The following GRID2 variants were observed in gnomAD, a reference collection of about 807,000 sequenced individuals.
GRID2 encodes the protein glutamate ionotropic receptor delta type subunit 2, also known as glutamate receptor ionotropic, delta-2.
GRID2 carries 33 observed loss-of-function variants against 114.8 expected under a neutral mutation model. The observed-to-expected ratio is 0.29, with a 90% CI of 0.22 to 0.38. The LOEUF (loss-of-function observed/expected upper bound fraction) is 0.38. GRID2 is among the 10% of genes least tolerant of loss of function. The pLI is 1.00. For synonymous variants in GRID2, 505 were observed against 449.9 expected, an observed-to-expected ratio of 1.12 and a Z score of -1.55; for missense variants, 1,184 against 1,257.7, an observed-to-expected ratio of 0.94 and a Z score of 0.89.
intron 14 of GRID2, among the ~76,000 whole-genome samples, chr4:93,688,603 T>C (rs924465525): frequency 4.6e-5 from 7 of 152,022 alleles, no homozygotes; most frequent in African/African-American, 1.7e-4. Flanking sequence ...TTTGTAAATA[T>C]ACCTCTACAT....
At chr4:93,099,565 G>C (rs544622434) in intron 3 of GRID2, among the ~76,000 whole-genome samples, 1 of 151,346 alleles carries the variant, frequency 6.6e-6, no homozygotes, top group Admixed American at 6.6e-5. Flanking sequence ...CAGTATGCTG[G>C]GTAGATATGT....
At chr4:93,287,919 T>C (rs1433177657) in intron 8 of GRID2, among the ~76,000 whole-genome samples, 1 of 152,220 alleles carries the variant, frequency 6.6e-6, no homozygotes. Flanking sequence ...GAGTAAACAG[T>C]TGAAAGGATG....
At chr4:92,617,495 A>G (rs1055475334) in intron 2 of GRID2, among the ~76,000 whole-genome samples, 1 of 151,586 alleles carries the variant, frequency 6.6e-6, no homozygotes, top group Non-Finnish European at 1.5e-5. Flanking sequence ...TTCTTGGCTT[A>G]TTTCACTTAA....
intron 1 of GRID2, among the ~76,000 whole-genome samples, chr4:92,492,576 A>G (rs543086078): frequency 2.6e-5 from 4 of 152,252 alleles, no homozygotes; most frequent in African/African-American, 9.6e-5. Context: ...TTTTATATCT[A>G]CAAAGCCTTT....
intron 1 of GRID2, among the ~76,000 whole-genome samples, chr4:92,576,525 T>A (rs984373570): frequency 6.6e-6 from 1 of 152,066 alleles, no homozygotes; most frequent in Non-Finnish European, 1.5e-5. Context: ...CCTAGGGACA[T>A]CTCCTAGGAA....
intron 1 of GRID2, among the ~76,000 whole-genome samples, chr4:92,351,976 TATC>T (rs1334087436): frequency 1.3e-5 from 2 of 151,942 alleles, no homozygotes; most frequent in African/African-American, 4.8e-5. Flanking sequence ...GGGGGGCAGA[TATC>T]ATTTCGATGT....
intron 14 of GRID2, among the ~76,000 whole-genome samples, chr4:93,703,431 T>A (rs1727687135): frequency 6.6e-6 from 1 of 152,206 alleles, no homozygotes; most frequent in African/African-American, 2.4e-5. Flanking sequence ...GAGTTATTTT[T>A]AATGTATAAT....
At chr4:93,781,121 T>G (rs751599806) in intron 1 of GRID2, among the ~76,000 whole-genome samples, 17 of 152,194 alleles carry the variant, frequency 1.1e-4, no homozygotes, top group Non-Finnish European at 2.1e-4. Flanking sequence ...ATATCTAGTT[T>G]GTTAATTTTA....
At chr4:92,957,186 T>C (rs1752467502) in intron 2 of GRID2, among the ~76,000 whole-genome samples, 1 of 152,182 alleles carries the variant, frequency 6.6e-6, no homozygotes, top group African/African-American at 2.4e-5. Flanking sequence ...TTTTCTTTCA[T>C]GAATCATGCC....
At chr4:92,455,196 A>C (rs1017717605) in intron 1 of GRID2, among the ~76,000 whole-genome samples, 2 of 152,060 alleles carry the variant, frequency 1.3e-5, no homozygotes, top group African/African-American at 4.8e-5. Context: ...AATTTTATTT[A>C]TTTTTCATTT....
intron 2 of GRID2, among the ~76,000 whole-genome samples, chr4:92,847,745 A>G (rs1454500622): frequency 6.6e-6 from 1 of 152,062 alleles, no homozygotes; most frequent in Non-Finnish European, 1.5e-5. Context: ...TATTTTATGG[A>G]ATGGAATCAA....
intron 2 of GRID2, among the ~76,000 whole-genome samples, chr4:92,790,059 G>T (rs111517027): frequency 2.6e-5 from 4 of 151,914 alleles, no homozygotes; most frequent in African/African-American, 7.2e-5. Context: ...TTTAGCATCT[G>T]CACTAGAGTA....
chr4:92,721,287 G>T (rs951102253), intron 2 of GRID2, among the ~76,000 whole-genome samples: 9 of 152,042 alleles, frequency 5.9e-5, no homozygotes, highest in Non-Finnish European at 1.0e-4. Flanking sequence ...CCTAAAAGTG[G>T]TTAAAATGGG....
chr4:92,610,210 T>C (rs7675247), intron 2 of GRID2, among the ~76,000 whole-genome samples: 7,111 of 151,592 alleles, frequency 0.047, 205 homozygotes, highest in East Asian at 0.092. Flanking sequence ...CTGGAATATT[T>C]ACGTTGCTGG....
chr4:92,496,021 A>G (rs1723373306), intron 1 of GRID2, among the ~76,000 whole-genome samples: 1 of 151,932 alleles, frequency 6.6e-6, no homozygotes. Context: ...TATTTCCTCA[A>G]GACAGAAAAA....
intron 1 of GRID2, among the ~76,000 whole-genome samples, chr4:92,332,670 A>G (rs950220717): frequency 2.6e-5 from 4 of 152,234 alleles, no homozygotes; most frequent in African/African-American, 9.6e-5. Context: ...CCATCTGTGA[A>G]ATTAACAAGT....
chr4:93,711,543 G>T (rs879640912), intron 14 of GRID2, among the ~76,000 whole-genome samples: 1 of 152,160 alleles, frequency 6.6e-6, no homozygotes, highest in Non-Finnish European at 1.5e-5. Context: ...AGCCCACGGT[G>T]GTGGGGCTTG....
chr4:93,167,516 C>T (rs1738368367), intron 4 of GRID2, among the ~76,000 whole-genome samples: 1 of 152,034 alleles, frequency 6.6e-6, no homozygotes, highest in African/African-American at 2.4e-5. Context: ...GGGTAGGCTC[C>T]TTTTTTGAAA....
intron 1 of GRID2, among the ~76,000 whole-genome samples, chr4:92,385,913 T>C (rs1729937001): frequency 6.7e-6 from 1 of 149,066 alleles, no homozygotes; most frequent in African/African-American, 2.4e-5. Flanking sequence ...TATATATATA[T>C]ATATATATAT....
Sources: gnomAD v4.1 joint callset for allele counts (sites outside exome capture counted in the v4.1 genomes callset) on GRCh38, gnomAD v4.1.1 for gene constraint, MANE v1.5 for transcripts, NCBI Gene and HGNC (gene_info 2026-07-23, HGNC 2026-07-21) for gene names.